Variants in ZNF483 observed in about 807,000 individuals in gnomAD.
The protein encoded by ZNF483 is zinc finger protein HIT-10.
In ZNF483, 9 loss-of-function variants were observed where a neutral mutation model predicts 28.6. The observed-to-expected ratio is 0.32, with a 90% CI of 0.19 to 0.55. The LOEUF (loss-of-function observed/expected upper bound fraction) is 0.55, where lower values mean the gene tolerates loss of function less well. ZNF483 is among the 20% of genes least tolerant of loss of function. The pLI, the probability that ZNF483 is intolerant of heterozygous loss-of-function variation, is 0.93. For synonymous variants in ZNF483, 322 were observed against 306.2 expected, an observed-to-expected ratio of 1.05 and a Z score of -0.54; for missense variants, 675 against 871.7, an observed-to-expected ratio of 0.77 and a Z score of 2.84.
downstream of ZNF483, among the ~76,000 whole-genome samples, chr9:111,555,525 T>G (rs1564605366): frequency 6.6e-6 from 1 of 152,154 alleles, no homozygotes; most frequent in Non-Finnish European, 1.5e-5. Context: ...TACCTGAGAC[T>G]GGGTAATTTA....
Position 111,548,452 on chromosome 9 carries a change from TTGA to T in ZNF483, c.*5284_*5286del, listed in dbSNP as rs375955452. 1.1e-3 allele frequency among the ~76,000 whole-genome samples: 168 copies of T among 152,372 alleles called. No individual in the cohort carries two copies. Among genetic ancestry groups the T allele is most frequent in the Middle Eastern group, 0.01 (3 of 294 alleles). ...GTGAAGCATAACTGAGTTTTGAGTGTTGATTTTGTATCTTGCAACTTTGCTGAA... is the reference window on the plus strand; with the variant it reads ...GTGAAGCATAACTGAGTTTTGAGTGTTTTTGTATCTTGCAACTTTGCTGAA... On this transcript the variant is annotated 3_prime_UTR_variant, in exon 6 of 6. Coordinates refer to ENST00000309235, the MANE Select transcript of ZNF483 (RefSeq NM_133464.5).
intron 5 of ZNF483, chr9:111,574,812 C>G: frequency 6.2e-7 from 1 of 1,613,410 alleles, no homozygotes; most frequent in Non-Finnish European, 8.5e-7. Context: ...TTCATCTGGC[C>G]GATAACAGTG....
rs550653261 is a variant in ZNF483, at chr9:111,550,944, G to A, written c.*7774G>A. Among the ~76,000 whole-genome samples, 3 of 152,130 alleles carry A rather than the reference G, an allele frequency of 2.0e-5. No individual in the cohort carries two copies. The highest frequency in any genetic ancestry group is 4.4e-5 in the Non-Finnish European group (3 of 68,030). On this transcript the variant is annotated 3_prime_UTR_variant, in exon 6 of 6. Coordinates refer to ENST00000309235, the MANE Select transcript of ZNF483 (RefSeq NM_133464.5). ...CTGTTTTCTGTCTCTCACACTGGAG[G>A]CTTTCCTGAAGCCTCTGATGATCTT...
In ZNF483 at chr9:111,551,502, G is replaced by C. The variant is rs562255663; in HGVS notation, c.*8332G>C. ...GGTCCACTGCAACCTCCGCCTCCTG[G>C]GTTCCAGCAATTCTCCTGCTTCAGC... On this transcript the variant is annotated 3_prime_UTR_variant, in exon 6 of 6. Coordinates refer to ENST00000309235, the MANE Select transcript of ZNF483 (RefSeq NM_133464.5). Among the ~76,000 whole-genome samples the C allele has an allele frequency of 6.8e-6, 1 of 146,612 alleles. No individual in the cohort carries two copies. Among genetic ancestry groups the C allele is most frequent in the African/African-American group, 2.5e-5 (1 of 39,496 alleles).
chr9:111,559,515 T>C (rs140369224), downstream of ZNF483, among the ~76,000 whole-genome samples: 1 of 152,130 alleles, frequency 6.6e-6, no homozygotes, highest in East Asian at 1.9e-4. Flanking sequence ...TCATTTTGCT[T>C]GGGCTCCAAC....
intron 5 of ZNF483, among the ~76,000 whole-genome samples, chr9:111,570,880 G>T (rs753030502): frequency 5.9e-5 from 9 of 152,152 alleles, no homozygotes; most frequent in Non-Finnish European, 1.3e-4. Flanking sequence ...GGGAATGAGG[G>T]ATACAGGAAA....
intron 5 of ZNF483, chr9:111,562,948 T>G: frequency 7.2e-7 from 1 of 1,390,716 alleles, no homozygotes; most frequent in Non-Finnish European, 9.3e-7. Flanking sequence ...ACTTTGAAAC[T>G]TCCATCCTCC....
intron 5 of ZNF483, among the ~76,000 whole-genome samples, chr9:111,562,318 C>T (rs950700913): frequency 4.6e-5 from 7 of 151,186 alleles, no homozygotes; most frequent in Non-Finnish European, 1.0e-4. Context: ...CTCTGTCACC[C>T]AGGCTGGAGT....
chr9:111,570,589 T>C (rs1473683308), intron 5 of ZNF483, among the ~76,000 whole-genome samples: 4 of 150,500 alleles, frequency 2.7e-5, no homozygotes, highest in African/African-American at 4.9e-5. Flanking sequence ...GCCAACATAG[T>C]GAAACCCCCG....
At chr9:111,531,753 C>T (rs1827352495) in intron 3 of ZNF483, among the ~76,000 whole-genome samples, 1 of 152,196 alleles carries the variant, frequency 6.6e-6, no homozygotes, top group African/African-American at 2.4e-5. Context: ...GCAAGCATAG[C>T]TCACTGCAAC....
chr9:111,538,836 A>C (rs1827590000), intron 5 of ZNF483, among the ~76,000 whole-genome samples: 1 of 152,112 alleles, frequency 6.6e-6, no homozygotes, highest in African/African-American at 2.4e-5. Flanking sequence ...AAACTCAGCC[A>C]GGTGTGGTGG....
chr9:111,558,430 C>T (rs967831226), downstream of ZNF483, among the ~76,000 whole-genome samples: 7 of 152,110 alleles, frequency 4.6e-5, no homozygotes, highest in African/African-American at 1.7e-4. Context: ...GTTGTCTCAG[C>T]TAGTTGGGAG....
intron 5 of ZNF483, chr9:111,570,013 G>T: frequency 6.3e-7 from 1 of 1,591,488 alleles, no homozygotes; most frequent in Non-Finnish European, 8.6e-7. Flanking sequence ...GGGAAGAATT[G>T]GTAGAACAAA....
At chr9:111,565,403 C>A (rs1828513353) in intron 5 of ZNF483, among the ~76,000 whole-genome samples, 1 of 152,148 alleles carries the variant, frequency 6.6e-6, no homozygotes, top group African/African-American at 2.4e-5. Flanking sequence ...GTAGACCTAA[C>A]AAACTAATAC....
chr9:111,565,175 C>T (rs1828501494), intron 5 of ZNF483, among the ~76,000 whole-genome samples: 1 of 151,868 alleles, frequency 6.6e-6, no homozygotes, highest in Non-Finnish European at 1.5e-5. Flanking sequence ...GGGCCTTAAT[C>T]AATATGACTG....
In ZNF483 at chr9:111,549,280, A is replaced by AC. The variant is rs975657661; in HGVS notation, c.*6111dup. Reference sequence around the variant, plus strand: ...AAATATCTTACAATTCTGAAAACACACTGTCAAAATGCTTTTCATAAAATG... The same window carrying AC: ...AAATATCTTACAATTCTGAAAACACACCTGTCAAAATGCTTTTCATAAAATG... On this transcript the variant is annotated 3_prime_UTR_variant, in exon 6 of 6. Transcript: ENST00000309235. Among the ~76,000 whole-genome samples the AC allele has an allele frequency of 2.4e-4, 36 of 152,286 alleles. No individual in the cohort carries two copies. The highest frequency in any genetic ancestry group is 8.7e-4 in the African/African-American group (36 of 41,570).
rs1290260230 is a variant in ZNF483 at position 111,550,282 on chromosome 9, T to C, written c.*7112T>C. ...CCCTTTTTTCTCCTGGAAGCCACTT[T>C]AGCCAGTTGGGGGTTGGGAGAATGG... On this transcript the variant is annotated 3_prime_UTR_variant, in exon 6 of 6. Transcript: ENST00000309235. Among the ~76,000 whole-genome samples, 8 of 152,230 alleles carry C rather than the reference T, an allele frequency of 5.3e-5. No individual in the cohort carries two copies. Among genetic ancestry groups the C allele is most frequent in the Non-Finnish European group, 1.2e-4 (8 of 68,030 alleles).
intron 5 of ZNF483, chr9:111,539,757 G>A (rs113301008): frequency 0.024 from 3,720 of 153,860 alleles, 72 homozygotes; most frequent in Non-Finnish European, 0.037. Flanking sequence ...GCAAAACTCC[G>A]TCTCAAAAAA....
chr9:111,528,129 C>T, intron 2 of ZNF483: 1 of 1,099,514 alleles, frequency 9.1e-7, no homozygotes, highest in Middle Eastern at 3.1e-4. Context: ...CACAAGTTAT[C>T]TGTGAAAGTG....
Sources: allele counts gnomAD v4.1 joint callset (sites outside exome capture counted in the v4.1 genomes callset), GRCh38; gene constraint gnomAD v4.1.1; transcripts MANE v1.5; gene names NCBI Gene and HGNC (gene_info 2026-07-23, HGNC 2026-07-21).